Variants in SNCAIP observed in about 807,000 individuals in gnomAD.
SNCAIP encodes synuclein alpha interacting protein, also known as synphilin-1.
In SNCAIP, 43 loss-of-function variants were observed where a neutral mutation model predicts 86.7. That is an observed-to-expected ratio of 0.50 (90% CI 0.39 to 0.64). SNCAIP has a LOEUF of 0.64. SNCAIP is among the 30% of genes least tolerant of loss of function. The probability of loss-of-function intolerance (pLI) is 0.00; values close to 1 mark genes in which losing one functional copy is unlikely to be tolerated. For missense variants in SNCAIP, 981 were observed against 1,103.1 expected, an observed-to-expected ratio of 0.89 and a Z score of 1.57; for synonymous variants, 417 against 427.2, an observed-to-expected ratio of 0.98 and a Z score of 0.29.
At chr5:122,421,204 G>A (rs72789038) in intron 3 of SNCAIP, among the ~76,000 whole-genome samples, 173 of 152,280 alleles carry the variant, frequency 1.1e-3, no homozygotes, top group Admixed American at 2.7e-3. Flanking sequence ...TCCACAGCTC[G>A]TAGTATTCTC....
chr5:122,401,063 T>C (rs1438824336), intron 2 of SNCAIP: 2 of 1,550,202 alleles, frequency 1.3e-6, no homozygotes, highest in South Asian at 1.2e-5. Context: ...TGGGCTTTGG[T>C]TCCCATAGGG....
chr5:122,388,784 A>G (rs1273805479), intron 1 of SNCAIP: 1 of 152,272 alleles, frequency 6.6e-6, no homozygotes, highest in East Asian at 1.9e-4. Flanking sequence ...AGAGACAAGC[A>G]TTGAAACCAG....
intron 8 of SNCAIP, 41 bp from the exon 9 acceptor site, chr5:122,449,804 C>A (rs750509733): frequency 1.6e-6 from 2 of 1,259,602 alleles, no homozygotes; most frequent in Non-Finnish European, 2.3e-6. Flanking sequence ...ATAGCAGTAA[C>A]CAGTATCAGA....
chr5:122,402,495 A>C (rs1192172874), intron 2 of SNCAIP, among the ~76,000 whole-genome samples: 1 of 152,188 alleles, frequency 6.6e-6, no homozygotes, highest in Non-Finnish European at 1.5e-5. Context: ...AATTTCCCTA[A>C]TTAGTCATTT....
At chr5:122,324,166 AG>A in intron 1 of SNCAIP, among the ~76,000 whole-genome samples, 1 of 152,342 alleles carries the variant, frequency 6.6e-6, no homozygotes, top group South Asian at 2.1e-4. Flanking sequence ...ATTTCAAAGC[AG>A]GGTCCTTCCT....
chr5:122,366,502 T>C (rs1040723119), intron 1 of SNCAIP, among the ~76,000 whole-genome samples: 5 of 152,172 alleles, frequency 3.3e-5, no homozygotes, highest in Non-Finnish European at 7.3e-5. Flanking sequence ...AGAATATATC[T>C]GAGAGTAAAT....
chr5:122,442,119 T>G (rs1338580786), intron 7 of SNCAIP, among the ~76,000 whole-genome samples: 1 of 147,120 alleles, frequency 6.8e-6, no homozygotes, highest in East Asian at 2.0e-4. Context: ...ACTCTTTTTT[T>G]TTTTTTTTTT....
chr5:122,407,392 G>A (rs1198369841), intron 3 of SNCAIP, among the ~76,000 whole-genome samples: 1 of 152,212 alleles, frequency 6.6e-6, no homozygotes, highest in Non-Finnish European at 1.5e-5. Context: ...ATCAGAATGA[G>A]GAGCAGTAGG....
chr5:122,455,685 A>T (rs1368945936), intron 10 of SNCAIP, among the ~76,000 whole-genome samples: 1 of 152,218 alleles, frequency 6.6e-6, no homozygotes, highest in African/African-American at 2.4e-5. Context: ...TTTTTCTGAT[A>T]AAGGAAAAAT....
chr5:122,461,021 G>T (rs931615069), intron 10 of SNCAIP, among the ~76,000 whole-genome samples: 2 of 152,056 alleles, frequency 1.3e-5, no homozygotes, highest in African/African-American at 4.8e-5. Context: ...TTATTCTCAT[G>T]CTTCAGTCAT....
chr5:122,355,274 A>G (rs1760764560), intron 1 of SNCAIP, among the ~76,000 whole-genome samples: 1 of 152,180 alleles, frequency 6.6e-6, no homozygotes, highest in Non-Finnish European at 1.5e-5. Context: ...GTTTGTTTTA[A>G]TGTCCTTCAT....
intron 5 of SNCAIP, among the ~76,000 whole-genome samples, chr5:122,427,140 G>C (rs1297528967): frequency 1.3e-5 from 2 of 152,162 alleles, no homozygotes; most frequent in African/African-American, 4.8e-5. Context: ...CCTAATGGTA[G>C]ATTATTTATA....
chr5:122,337,456 T>C (rs1376646839), intron 1 of SNCAIP, among the ~76,000 whole-genome samples: 2 of 152,190 alleles, frequency 1.3e-5, no homozygotes, highest in Admixed American at 1.3e-4. Flanking sequence ...TTCCCCACAG[T>C]TGAATCACAT....
intron 8 of SNCAIP, 30 bp downstream of exon 8, chr5:122,444,762 A>G: frequency 1.3e-6 from 2 of 1,588,020 alleles, no homozygotes; most frequent in Non-Finnish European, 8.6e-7. Flanking sequence ...CATGAGAACC[A>G]AGTCTAACTC....
intron 2 of SNCAIP, among the ~76,000 whole-genome samples, chr5:122,402,800 C>G (rs1772103737): frequency 6.6e-6 from 1 of 152,044 alleles, no homozygotes; most frequent in Admixed American, 6.6e-5. Flanking sequence ...TTTTCTCAAT[C>G]CCCCCAAATT....
chr5:122,431,831 A>T lies in SNCAIP; in HGVS notation c.1183-138A>T, dbSNP rs564148346. 150 of 686,168 alleles carry T rather than the reference A, an allele frequency of 2.2e-4. No homozygotes were observed. The African/African-American group carries it at 2.4e-3, about 11-fold the overall frequency. 42.5% of individuals were successfully genotyped at this position (686,168 alleles called of 1,614,324 possible). ...CAGGAATATAATAGGTGATATCTTT[A>T]TATCATAAATAAATTAAGCCTGATA... On this transcript the variant is annotated intron_variant, in intron 5 of 10. Transcript: ENST00000261368.
In SNCAIP at chr5:122,451,035, G is replaced by A. The variant is rs1783596611; in HGVS notation, c.2188G>A (p.Gly730Arg). ...MIKKHTLASG[G>R]RRFPFSIKAS... ...TAAGAAACACACCTTGGCATCAGGG[G>A]GACGCAGGTTTCCTTTCAGCATCAA... The change falls in exon 10 of 11, where the codon GGA (glycine) becomes AGA (arginine). Residue 730 changes from glycine (G) to arginine (R), a missense_variant. Transcript: ENST00000261368. 1 of 1,614,178 alleles carries A rather than the reference G, an allele frequency of 6.2e-7. No homozygotes were observed. The highest frequency in any genetic ancestry group is 8.5e-7 in the Non-Finnish European group (1 of 1,180,028).
chr5:122,315,303 G>A (rs887795613), intron 1 of SNCAIP, among the ~76,000 whole-genome samples: 1 of 152,128 alleles, frequency 6.6e-6, no homozygotes, highest in Admixed American at 6.5e-5. Context: ...GAGTGGCTGG[G>A]ATGTACCTCC....
Position 122,411,044 on chromosome 5 carries a change from C to CAA in SNCAIP, c.130+7180_130+7181insAA, listed in dbSNP as rs1774008743. The stretch of plus-strand genomic sequence containing the variant: ...GAAAGAAAACTTACGGGTAAAAACT[C>CAA]ACAGTCTTCTCTCCTGTGTTTTGGT... On this transcript the variant is annotated intron_variant, in intron 3 of 10. Transcript: ENST00000261368. 2.6e-5 allele frequency among the ~76,000 whole-genome samples: 4 copies of CAA among 152,176 alleles called. No homozygotes were observed. The South Asian group carries it at 8.3e-4, about 32-fold the overall frequency.
Sources: gnomAD v4.1 joint callset for allele counts (sites outside exome capture counted in the v4.1 genomes callset) on GRCh38, gnomAD v4.1.1 for gene constraint, MANE v1.5 for transcripts, NCBI Gene and HGNC (gene_info 2026-07-23, HGNC 2026-07-21) for gene names.